The following ARHGAP28 variants were observed in gnomAD, a reference collection of about 807,000 sequenced individuals.
ARHGAP28 encodes Rho GTPase activating protein 28, also known as rho GTPase-activating protein 28.
ARHGAP28 carries 56 observed loss-of-function variants against 90.7 expected under a neutral mutation model. The ratio of observed to expected loss-of-function variants is 0.62; its 90% CI spans 0.50 to 0.77. The LOEUF is 0.77. Among genes scored for constraint, ARHGAP28 ranks in the 30% least tolerant of loss-of-function variants. The pLI, the probability that ARHGAP28 is intolerant of heterozygous loss-of-function variation, is 0.00. For missense variants in ARHGAP28, 869 were observed against 900.9 expected, an observed-to-expected ratio of 0.96 and a Z score of 0.45; for synonymous variants, 308 against 323.3, an observed-to-expected ratio of 0.95 and a Z score of 0.51.
chr18:6,747,825 C>T (rs1314282644), intron 1 of ARHGAP28, among the ~76,000 whole-genome samples: 1 of 152,168 alleles, frequency 6.6e-6, no homozygotes, highest in Non-Finnish European at 1.5e-5. Flanking sequence ...TAGAGACATA[C>T]ATAGCTCTTA....
intron 1 of ARHGAP28, among the ~76,000 whole-genome samples, chr18:6,785,218 AAC>A (rs1373730086): frequency 2.9e-4 from 44 of 152,242 alleles, no homozygotes; most frequent in African/African-American, 1.0e-3. Flanking sequence ...TAAATGAAAT[AAC>A]ACAGATTCCA....
chr18:6,761,967 G>C (rs2056163588), intron 1 of ARHGAP28, among the ~76,000 whole-genome samples: 1 of 152,168 alleles, frequency 6.6e-6, no homozygotes, highest in African/African-American at 2.4e-5. Flanking sequence ...ATAACCAGCG[G>C]TCTACAGGCA....
intron 4 of ARHGAP28, among the ~76,000 whole-genome samples, chr18:6,856,552 C>T (rs2056955436): frequency 6.6e-6 from 1 of 152,014 alleles, no homozygotes; most frequent in African/African-American, 2.4e-5. Flanking sequence ...CTCTGTTGTC[C>T]AGCCTGGAGA....
chr18:6,844,003 A>G (rs1342191061), intron 3 of ARHGAP28, among the ~76,000 whole-genome samples: 1 of 152,206 alleles, frequency 6.6e-6, no homozygotes, highest in Non-Finnish European at 1.5e-5. Flanking sequence ...GCAGAATTCC[A>G]GTACCCAAAT....
At chr18:6,893,554 G>A (rs557488363) in intron 14 of ARHGAP28, among the ~76,000 whole-genome samples, 1 of 152,248 alleles carries the variant, frequency 6.6e-6, no homozygotes, top group South Asian at 2.1e-4. Context: ...CAGAGGTCAG[G>A]TCAGGCCTTG....
At chr18:6,769,918 C>G (rs2056229006) in intron 1 of ARHGAP28, among the ~76,000 whole-genome samples, 1 of 152,148 alleles carries the variant, frequency 6.6e-6, no homozygotes, top group African/African-American at 2.4e-5. Flanking sequence ...AAACAAATAC[C>G]CCTAAACTCT....
chr18:6,807,522 A>G (rs1176256917), intron 1 of ARHGAP28, among the ~76,000 whole-genome samples: 2 of 152,184 alleles, frequency 1.3e-5, no homozygotes, highest in East Asian at 3.8e-4. Flanking sequence ...CAGAGCATTT[A>G]GTCTAAGAAA....
intron 1 of ARHGAP28, among the ~76,000 whole-genome samples, chr18:6,780,002 C>T (rs772415355): frequency 6.6e-6 from 1 of 152,136 alleles, no homozygotes; most frequent in Non-Finnish European, 1.5e-5. Context: ...TGCAGCAAGA[C>T]GTTGGAAAGG....
chr18:6,846,707 G>A (rs971722206), intron 3 of ARHGAP28, among the ~76,000 whole-genome samples: 3 of 152,090 alleles, frequency 2.0e-5, no homozygotes, highest in Admixed American at 2.0e-4. Flanking sequence ...GCCAGAAGAG[G>A]GCAAGTCAGA....
At chr18:6,733,997 C>T (rs2055905301) in intron 1 of ARHGAP28, among the ~76,000 whole-genome samples, 1 of 152,172 alleles carries the variant, frequency 6.6e-6, no homozygotes, top group African/African-American at 2.4e-5. Flanking sequence ...ATTCCAACCA[C>T]TGCGAAATTT....
chr18:6,912,036 C>T, intron 17 of ARHGAP28, 24 bp from the exon 18 acceptor site: 2 of 1,497,946 alleles, frequency 1.3e-6, no homozygotes, highest in Non-Finnish European at 9.2e-7. Context: ...TACACTAATT[C>T]TCTGATCTTT....
intron 1 of ARHGAP28, among the ~76,000 whole-genome samples, chr18:6,745,546 T>G (rs1344393665): frequency 1.3e-5 from 2 of 152,204 alleles, no homozygotes; most frequent in Non-Finnish European, 2.9e-5. Flanking sequence ...TTCAGTTCCA[T>G]GATTTTTGAC....
chr18:6,835,885 C>A (rs1209619186), intron 2 of ARHGAP28, among the ~76,000 whole-genome samples: 1 of 152,110 alleles, frequency 6.6e-6, no homozygotes. Context: ...TCATAGGCAC[C>A]TAATCCTTTT....
chr18:6,820,186 A>C (rs1475395343), intron 1 of ARHGAP28, among the ~76,000 whole-genome samples: 1 of 152,170 alleles, frequency 6.6e-6, no homozygotes, highest in Admixed American at 6.5e-5. Flanking sequence ...ATGGGCAAAA[A>C]TTGATCAAAA....
chr18:6,896,850 T>C (rs1015161539), intron 16 of ARHGAP28: 2 of 466,834 alleles, frequency 4.3e-6, no homozygotes, highest in Non-Finnish European at 7.6e-6. Flanking sequence ...ATGGGATTCT[T>C]AATAGGTATT....
chr18:6,762,794 T>A (rs1043766251), intron 1 of ARHGAP28, among the ~76,000 whole-genome samples: 6 of 151,948 alleles, frequency 3.9e-5, no homozygotes, highest in Non-Finnish European at 8.8e-5. Context: ...ACCAACGCTG[T>A]CAGTACCTTG....
intron 16 of ARHGAP28, chr18:6,898,297 T>A (rs922859361): frequency 2.1e-6 from 1 of 483,772 alleles, no homozygotes. Flanking sequence ...AACGTTTTTT[T>A]TCTCCTTTTG....
chr18:6,880,692 C>A (rs1221090827), intron 10 of ARHGAP28, among the ~76,000 whole-genome samples: 1 of 152,174 alleles, frequency 6.6e-6, no homozygotes, highest in Non-Finnish European at 1.5e-5. Flanking sequence ...GAGCAGGATC[C>A]CCTTCTATTT....
chr18:6,806,428 G>T (rs926581626), intron 1 of ARHGAP28, among the ~76,000 whole-genome samples: 4 of 151,936 alleles, frequency 2.6e-5, no homozygotes, highest in Admixed American at 1.3e-4. Flanking sequence ...GTAGGCAAAA[G>T]CAGTAGAAAC....
Sources: allele counts gnomAD v4.1 joint callset (sites outside exome capture counted in the v4.1 genomes callset), GRCh38; gene constraint gnomAD v4.1.1; transcripts MANE v1.5; gene names NCBI Gene and HGNC (gene_info 2026-07-23, HGNC 2026-07-21).